The following SPATA16 variants were observed in gnomAD, a reference collection of about 807,000 sequenced individuals.
SPATA16 encodes the protein spermatogenesis-associated protein 16.
SPATA16 carries 36 observed loss-of-function variants against 63.3 expected under a neutral mutation model. The observed-to-expected ratio is 0.57, with a 90% CI of 0.44 to 0.75. The LOEUF (loss-of-function observed/expected upper bound fraction) is 0.75, where lower values mean the gene tolerates loss of function less well. Ranked by LOEUF, SPATA16 falls within the 30% of genes least tolerant of loss-of-function variation. The probability of loss-of-function intolerance (pLI) is 0.00; values close to 1 mark genes in which losing one functional copy is unlikely to be tolerated. For missense variants in SPATA16, 646 were observed against 679.3 expected (o/e 0.95, Z 0.54); for synonymous variants, 203 against 216.7 (o/e 0.94, Z 0.56).
At chr3:172,953,423 G>A (rs1733499258) in intron 6 of SPATA16, among the ~76,000 whole-genome samples, 1 of 152,200 alleles carries the variant, frequency 6.6e-6, no homozygotes, top group African/African-American at 2.4e-5. Context: ...GATTTATTGA[G>A]TAAGACTCAG....
intron 3 of SPATA16, among the ~76,000 whole-genome samples, chr3:173,024,551 A>G (rs1735408213): frequency 6.6e-6 from 1 of 150,952 alleles, no homozygotes; most frequent in South Asian, 2.1e-4. Context: ...AGGTATCAAA[A>G]TTAATACAGA....
intron 3 of SPATA16, among the ~76,000 whole-genome samples, chr3:173,020,680 C>G (rs1329590940): frequency 1.3e-5 from 2 of 152,138 alleles, no homozygotes; most frequent in Non-Finnish European, 2.9e-5. Flanking sequence ...GTAGGTATTG[C>G]TCAAGGTGTT....
At chr3:173,050,264 C>G (rs1276819893) in intron 2 of SPATA16, among the ~76,000 whole-genome samples, 1 of 152,064 alleles carries the variant, frequency 6.6e-6, no homozygotes, top group East Asian at 1.9e-4. Flanking sequence ...AGACTAAAGG[C>G]TAAAAAATAA....
intron 8 of SPATA16, among the ~76,000 whole-genome samples, chr3:172,922,802 A>T (rs2109574102): frequency 6.6e-6 from 1 of 152,282 alleles, no homozygotes; most frequent in South Asian, 2.1e-4. Context: ...ACATGCTGTA[A>T]TCCCGGCTAC....
At chr3:173,120,216 T>A (rs1368076014) in intron 1 of SPATA16, among the ~76,000 whole-genome samples, 1 of 152,200 alleles carries the variant, frequency 6.6e-6, no homozygotes, top group Non-Finnish European at 1.5e-5. Context: ...CACTTTATTT[T>A]TTGTTTGCCC....
intron 6 of SPATA16, among the ~76,000 whole-genome samples, chr3:172,947,617 T>A (rs57052840): frequency 0.087 from 13,262 of 152,146 alleles, 1,928 homozygotes; most frequent in African/African-American, 0.3. Flanking sequence ...GGATGAGTTC[T>A]TGTCTTTGCA....
chr3:173,016,472 C>T (rs1735190451), intron 4 of SPATA16, among the ~76,000 whole-genome samples: 1 of 152,098 alleles, frequency 6.6e-6, no homozygotes, highest in Non-Finnish European at 1.5e-5. Context: ...GTTATATATA[C>T]CTTTATCTTG....
chr3:173,060,320 G>A (rs1222217955), intron 2 of SPATA16, among the ~76,000 whole-genome samples: 1 of 152,028 alleles, frequency 6.6e-6, no homozygotes, highest in Admixed American at 6.6e-5. Flanking sequence ...TCCTAAGGAT[G>A]TTCTCTTGAA....
In SPATA16 at chr3:173,031,137, A is replaced by G. The variant is rs143951690; in HGVS notation, c.759-11562T>C. Among the ~76,000 whole-genome samples, 194 of 152,146 alleles carry G rather than the reference A, an allele frequency of 1.3e-3. 1 individual carries two copies. The highest frequency in any genetic ancestry group is 4.5e-3 in the African/African-American group (186 of 41,524). ...AGACTTTTAGTTTTGCAAGATTGGA[A>G]GAGTTCTGGAAATTGCCTGCACAAC... On this transcript the variant is annotated intron_variant, in intron 3 of 10. Coordinates refer to ENST00000351008, the MANE Select transcript of SPATA16 (RefSeq NM_031955.6).
At chr3:172,991,536 C>A (rs1369651362) in intron 4 of SPATA16, among the ~76,000 whole-genome samples, 4 of 152,162 alleles carry the variant, frequency 2.6e-5, no homozygotes, top group Non-Finnish European at 2.9e-5. Flanking sequence ...CTGCAGCCAG[C>A]TGAACTGCTG....
At chr3:173,050,843 CT>C (rs1736070657) in intron 2 of SPATA16, among the ~76,000 whole-genome samples, 1 of 152,146 alleles carries the variant, frequency 6.6e-6, no homozygotes, top group Non-Finnish European at 1.5e-5. Flanking sequence ...CATTTGGATG[CT>C]TCATAAAAGT....
At chr3:173,006,180 T>G (rs1734941929) in intron 4 of SPATA16, among the ~76,000 whole-genome samples, 1 of 152,194 alleles carries the variant, frequency 6.6e-6, no homozygotes, top group African/African-American at 2.4e-5. Context: ...CACAACATTT[T>G]TACAGTGCTT....
intron 2 of SPATA16, among the ~76,000 whole-genome samples, chr3:173,079,974 A>G (rs1325882489): frequency 6.6e-6 from 1 of 152,198 alleles, no homozygotes; most frequent in African/African-American, 2.4e-5. Context: ...CGCAATGCCT[A>G]AAGTGAATTT....
At chr3:172,890,809 C>T (rs1731879448) in intron 10 of SPATA16, among the ~76,000 whole-genome samples, 1 of 150,734 alleles carries the variant, frequency 6.6e-6, no homozygotes, top group African/African-American at 2.4e-5. Context: ...TTTTTGAAAC[C>T]CTTGTAAAAA....
rs60404306 is a variant in SPATA16, at chr3:172,952,938, CAAAAAAAAAA to C, written c.1081+3729_1081+3738del. Among the ~76,000 whole-genome samples the C allele has an allele frequency of 2.1e-4, 16 of 78,010 alleles. No individual in the cohort carries two copies. In the South Asian group the frequency reaches 6.8e-3, roughly 33 times the overall value. 51.2% of individuals were successfully genotyped at this position (78,010 alleles called of 152,430 possible). On this transcript the variant is annotated intron_variant, in intron 6 of 10. Transcript: ENST00000351008. ...CTGGCAATAGAGTGAGACTCCATCT[CAAAAAAAAAA>C]AAAAAAAAAAAAGAAAACAGTTTGG...
At chr3:173,108,413 T>C (rs1020148465) in intron 2 of SPATA16, among the ~76,000 whole-genome samples, 12 of 152,232 alleles carry the variant, frequency 7.9e-5, no homozygotes. Flanking sequence ...AAGTCACATA[T>C]GGGTTAAAAC....
intron 5 of SPATA16, among the ~76,000 whole-genome samples, chr3:172,961,211 C>T (rs1023262288): frequency 8.6e-5 from 13 of 151,482 alleles, no homozygotes; most frequent in African/African-American, 2.9e-4. Context: ...AATCTTGTCA[C>T]GTGAAATTAG....
At chr3:172,957,970 AG>A (rs905405433) in intron 5 of SPATA16, among the ~76,000 whole-genome samples, 7 of 152,168 alleles carry the variant, frequency 4.6e-5, no homozygotes, top group African/African-American at 1.4e-4. Context: ...CTGGATGCAA[AG>A]GGTCTTCCTT....
At chr3:172,924,435 T>G (rs976548679) in intron 7 of SPATA16, 118 bp from the exon 8 acceptor site, 27 of 768,496 alleles carry the variant, frequency 3.5e-5, no homozygotes, top group Admixed American at 6.5e-5. Flanking sequence ...ATCTTTAGTA[T>G]AGAAACTAGT....
Sources: allele counts gnomAD v4.1 joint callset (sites outside exome capture counted in the v4.1 genomes callset), GRCh38; gene constraint gnomAD v4.1.1; transcripts MANE v1.5; gene names NCBI Gene and HGNC (gene_info 2026-07-23, HGNC 2026-07-21).